Variants in SEMA6D observed in about 807,000 individuals in gnomAD.
SEMA6D encodes semaphorin 6D.
A neutral mutation model predicts 106.6 loss-of-function variants in SEMA6D; 35 were observed. The ratio of observed to expected loss-of-function variants is 0.33; its 90% CI spans 0.25 to 0.44. SEMA6D has a LOEUF of 0.44. Ranked by LOEUF, SEMA6D falls within the 20% of genes least tolerant of loss-of-function variation. The pLI is 1.00. For missense variants in SEMA6D, 1,185 were observed against 1,345.9 expected (o/e 0.88, Z 1.87); for synonymous variants, 499 against 487.7 (o/e 1.02, Z -0.31).
intron 1 of SEMA6D, among the ~76,000 whole-genome samples, chr15:47,372,060 G>T (rs530037907): frequency 1.3e-5 from 2 of 152,272 alleles, no homozygotes; most frequent in East Asian, 3.9e-4. Flanking sequence ...TAGTGTATTT[G>T]CCTGTAGCAA....
intron 3 of SEMA6D, among the ~76,000 whole-genome samples, chr15:47,485,709 T>A (rs2043277401): frequency 6.6e-6 from 1 of 151,862 alleles, no homozygotes; most frequent in Non-Finnish European, 1.5e-5. Flanking sequence ...CTCACAAGAG[T>A]GGCAGATAGG....
rs1163328081 is a variant in SEMA6D, at chr15:47,765,237, G to T, written c.1427+181G>T. The T allele has an allele frequency of 6.1e-5, 84 of 1,387,808 alleles. 1 individual carries two copies. In the South Asian group the frequency reaches 1.1e-3, roughly 19 times the overall value. 86.0% of individuals were successfully genotyped at this position (1,387,808 alleles called of 1,614,324 possible). ...TTTTTTCCCGAGCCTGCTAGGGCGA[G>T]GGGGGTGAATGGTTGATGAGTTTAA... On this transcript the variant is annotated intron_variant, in intron 13 of 18. Coordinates refer to ENST00000536845, the MANE Select transcript of SEMA6D (RefSeq NM_001358351.3).
At chr15:47,641,754 C>A (rs73392824) in intron 4 of SEMA6D, among the ~76,000 whole-genome samples, 5,226 of 152,248 alleles carry the variant, frequency 0.034, 295 homozygotes, top group African/African-American at 0.12. Context: ...TAGTTCCTCC[C>A]AATCATAGGT....
chr15:47,601,209 CAGA>C (rs1026241463), intron 4 of SEMA6D, among the ~76,000 whole-genome samples: 9 of 152,122 alleles, frequency 5.9e-5, no homozygotes, highest in East Asian at 1.9e-4. Flanking sequence ...TGTTCAAAAA[CAGA>C]AGAAGATTTC....
intron 4 of SEMA6D, among the ~76,000 whole-genome samples, chr15:47,672,858 T>C (rs1329124985): frequency 1.3e-5 from 2 of 152,228 alleles, no homozygotes; most frequent in African/African-American, 4.8e-5. Context: ...ATTAATAATG[T>C]AAGTGGCAAA....
At chr15:47,634,630 T>C (rs1171673619) in intron 4 of SEMA6D, among the ~76,000 whole-genome samples, 1 of 152,198 alleles carries the variant, frequency 6.6e-6, no homozygotes, top group Non-Finnish European at 1.5e-5. Flanking sequence ...AAATATCAAC[T>C]GGGCTTATTC....
At chr15:47,209,350 C>T (rs1445123276) in intron 1 of SEMA6D, among the ~76,000 whole-genome samples, 2 of 152,044 alleles carry the variant, frequency 1.3e-5, no homozygotes, top group African/African-American at 4.8e-5. Context: ...GGTCATGGAA[C>T]CCTAACTTTC....
chr15:47,766,969 G>A lies in SEMA6D; in HGVS notation c.1709-68G>A. 1.2e-6 allele frequency: 1 copy of A among 826,730 alleles called. No individual in the cohort carries two copies. The allele number at this position is 826,730 out of a possible 1,614,324, so 51.2% of individuals were successfully genotyped here. A position where few individuals can be genotyped will look rare whatever the true frequency, so the allele number is the denominator to read the frequency against. The stretch of plus-strand genomic sequence containing the variant: ...TTTTTTTTTACTTTTTTAGTTAATT[G>A]GAATTCATAAATTTTTGCTTTCTTT... On this transcript the variant is annotated intron_variant, in intron 16 of 18. Coordinates refer to ENST00000536845, the MANE Select transcript of SEMA6D (RefSeq NM_001358351.3).
At chr15:47,381,167 A>G (rs368635111) in intron 1 of SEMA6D, among the ~76,000 whole-genome samples, 1 of 152,240 alleles carries the variant, frequency 6.6e-6, no homozygotes, top group African/African-American at 2.4e-5. Context: ...GAAAACTTGG[A>G]CTATGTCTAC....
At position 47,771,367 on chromosome 15, in the gene SEMA6D, C is replaced by T; in HGVS notation, c.2804C>T (p.Thr935Ile). The change falls in exon 19 of 19, where the codon ACT (threonine) becomes ATT (isoleucine). Residue 935 changes from threonine to isoleucine, a missense_variant. Thr to Ile is a moderately conservative substitution (Grantham distance 89). Around this residue, in one of 3 missense-constraint regions of SEMA6D, gnomAD observed 750 missense variants for 783.5 expected, o/e 0.96. Coordinates refer to ENST00000536845, the MANE Select transcript of SEMA6D (RefSeq NM_001358351.3). ...REASLYSPPSTLPRNSPTKRV... is the reference protein window; with the variant it reads ...REASLYSPPSILPRNSPTKRV... ...GCATCGCTATACTCCCCTCCTTCAA[C>T]TCTCCCCAGAAATAGCCCAACCAAG... 2.5e-6 allele frequency: 4 copies of T among 1,614,018 alleles called. No individual in the cohort carries two copies. Among genetic ancestry groups the T allele is most frequent in the Non-Finnish European group, 3.4e-6 (4 of 1,179,980 alleles).
chr15:47,376,476 C>A (rs530513264), intron 1 of SEMA6D, among the ~76,000 whole-genome samples: 2 of 152,176 alleles, frequency 1.3e-5, no homozygotes, highest in Non-Finnish European at 2.9e-5. Context: ...AATGTCCACC[C>A]GGTGGTTATG....
intron 3 of SEMA6D, among the ~76,000 whole-genome samples, chr15:47,554,104 A>G (rs765862500): frequency 1.3e-5 from 2 of 152,228 alleles, no homozygotes; most frequent in Non-Finnish European, 2.9e-5. Flanking sequence ...TGAAAAAGCT[A>G]TAAATGTCAC....
chr15:47,207,112 A>G (rs7168212), intron 1 of SEMA6D, among the ~76,000 whole-genome samples: 63,919 of 152,022 alleles, frequency 0.42, 14,200 homozygotes, highest in African/African-American at 0.54. Flanking sequence ...GAGAGAAGGA[A>G]TGGCTCAATT....
In SEMA6D at chr15:47,647,346, T is replaced by C. The variant is rs139699525; in HGVS notation, c.-55+46450T>C. On this transcript the variant is annotated intron_variant, in intron 4 of 19. Coordinates refer to the SEMA6D transcript ENST00000558014. ...AGTTTAGCCGGGGTCTGTCAAGTGC[T>C]ATTGAAGCTCACTTTGAACTAACAG... Among the ~76,000 whole-genome samples the C allele has an allele frequency of 3.6e-4, 55 of 152,346 alleles. 3 individuals carry two copies. The East Asian group carries it at 0.01, about 29-fold the overall frequency.
At chr15:47,560,315 A>G (rs1165360725) in intron 3 of SEMA6D, among the ~76,000 whole-genome samples, 1 of 145,918 alleles carries the variant, frequency 6.9e-6, no homozygotes, top group African/African-American at 2.8e-5. Context: ...AAAGAACAAA[A>G]AGAAAGCATA....
intron 1 of SEMA6D, among the ~76,000 whole-genome samples, chr15:47,229,284 T>C (rs2032023250): frequency 6.6e-6 from 1 of 152,010 alleles, no homozygotes; most frequent in Non-Finnish European, 1.5e-5. Flanking sequence ...ATTTGTTTTC[T>C]AATTAAAAAC....
At chr15:47,735,717 C>T (rs536715647) in intron 1 of SEMA6D, among the ~76,000 whole-genome samples, 1 of 152,252 alleles carries the variant, frequency 6.6e-6, no homozygotes, top group Non-Finnish European at 1.5e-5. Flanking sequence ...TAAACGTTTG[C>T]ATCATTAAGT....
chr15:47,737,132 T>G (rs1235363967), intron 1 of SEMA6D, among the ~76,000 whole-genome samples: 6 of 152,190 alleles, frequency 3.9e-5, no homozygotes, highest in Non-Finnish European at 1.5e-5. Context: ...TATAATATGC[T>G]AATTTAGCTG....
chr15:47,678,990 C>T (rs1220659724), intron 4 of SEMA6D, among the ~76,000 whole-genome samples: 1 of 152,070 alleles, frequency 6.6e-6, no homozygotes, highest in African/African-American at 2.4e-5. Context: ...TATTTTCTGT[C>T]CTTACGAATG....
Sources: gnomAD v4.1 joint callset for allele counts (sites outside exome capture counted in the v4.1 genomes callset) on GRCh38, gnomAD v4.1.1 for gene constraint, gnomAD v4.1.1 regional missense constraint, MANE v1.5 for transcripts, NCBI Gene and HGNC (gene_info 2026-07-23, HGNC 2026-07-21) for gene names.